The following NRXN2 variants were observed in gnomAD, a reference collection of about 807,000 sequenced individuals.
The protein encoded by NRXN2 is neurexin-2-beta.
Under a neutral mutation model 128.8 loss-of-function variants are expected in NRXN2, and 29 were observed. That is an observed-to-expected ratio of 0.23 (90% CI 0.17 to 0.31). NRXN2 has a LOEUF of 0.31. Among genes scored for constraint, NRXN2 ranks in the 10% least tolerant of loss-of-function variants. NRXN2 has a pLI of 1.00. For missense variants in NRXN2, 1,881 were observed against 2,452.6 expected (o/e 0.77, Z 4.92); for synonymous variants, 1,098 against 1,075.2 (o/e 1.02, Z -0.41).
At chr11:64,646,096 C>A (rs1278000261) in intron 17 of NRXN2, among the ~76,000 whole-genome samples, 1 of 152,174 alleles carries the variant, frequency 6.6e-6, no homozygotes, top group Non-Finnish European at 1.5e-5. Context: ...CCCTGCCCTC[C>A]AGGGGCGGAG....
intron 21 of NRXN2, among the ~76,000 whole-genome samples, chr11:64,621,121 A>C (rs941970761): frequency 5.9e-5 from 9 of 152,076 alleles, no homozygotes; most frequent in Non-Finnish European, 1.3e-4. Context: ...CAGGGTTGAA[A>C]GGGTCATAAC....
chr11:64,685,501 C>T (rs2052907841), intron 6 of NRXN2, 145 bp downstream of exon 6: 1 of 1,099,164 alleles, frequency 9.1e-7, no homozygotes, highest in East Asian at 2.5e-5. Context: ...GGGACCCTCA[C>T]AGCCCCAACT....
rs759707345 is a variant in NRXN2, at chr11:64,635,494, G to A, written c.3404-42C>T. ...AGGGAGACAAGAAGAAATGACATCA[G>A]GAGGACGAGGTCAGCAGGTCCTCAG... On this transcript the variant is annotated intron_variant, in intron 17 of 22. Coordinates refer to ENST00000265459, the MANE Select transcript of NRXN2 (RefSeq NM_015080.4). The surrounding 1 kb of genome is among the most constrained non-coding windows in gnomAD (Gnocchi z 4.8). 1 of 1,606,188 alleles carries A rather than the reference G, an allele frequency of 6.2e-7. No individual in the cohort carries two copies. Among genetic ancestry groups the A allele is most frequent in the Non-Finnish European group, 8.5e-7 (1 of 1,175,272 alleles).
chr11:64,630,406 C>A lies in NRXN2; in HGVS notation c.3753G>T (p.Pro1251=). 2 of 1,611,200 alleles carry A rather than the reference C, an allele frequency of 1.2e-6. No individual in the cohort carries two copies. The highest frequency in any genetic ancestry group is 1.7e-6 in the Non-Finnish European group (2 of 1,179,228). Reference sequence around the variant, plus strand: ...CCGCGGGCCCGCGCCGCCTACCTGCCGGGTACCGCTCGTTGACCGGCCAGC... The same window carrying A: ...CCGCGGGCCCGCGCCGCCTACCTGCAGGGTACCGCTCGTTGACCGGCCAGC... ...VDSWPVNERY[P]AGNFDNERLA... Residue 1251 remains proline (P), a synonymous_variant, in exon 19 of 23, where the codon CCG becomes CCT. Coordinates refer to ENST00000265459, the MANE Select transcript of NRXN2 (RefSeq NM_015080.4). The surrounding 1 kb of genome is among the most constrained non-coding windows in gnomAD (Gnocchi z 4.6).
chr11:64,687,026 AG>A (rs1191388259), intron 5 of NRXN2, among the ~76,000 whole-genome samples: 2 of 152,338 alleles, frequency 1.3e-5, no homozygotes, highest in Non-Finnish European at 2.9e-5. Flanking sequence ...GACAAACCAG[AG>A]GACCTGGGCT....
At chr11:64,712,609 C>G in intron 2 of NRXN2, 2 of 454,390 alleles carry the variant, frequency 4.4e-6, no homozygotes, top group South Asian at 3.5e-5. Flanking sequence ...CCACGCAGAC[C>G]CCCACCCACA....
chr11:64,636,937 G>T (rs2044813836), intron 17 of NRXN2, among the ~76,000 whole-genome samples: 1 of 152,122 alleles, frequency 6.6e-6, no homozygotes, highest in Non-Finnish European at 1.5e-5. Flanking sequence ...GACCCCAAAG[G>T]GGAGGGGCTG....
At chr11:64,650,674 C>A (rs372507665) in intron 14 of NRXN2, 36 bp from the exon 15 acceptor site, 9 of 1,599,292 alleles carry the variant, frequency 5.6e-6, no homozygotes, top group Admixed American at 5.0e-5. Flanking sequence ...TGGGTCAGGG[C>A]GGGGGTGATG....
chr11:64,612,312 C>T (rs1279806179), intron 22 of NRXN2, among the ~76,000 whole-genome samples: 1 of 152,154 alleles, frequency 6.6e-6, no homozygotes, highest in African/African-American at 2.4e-5. Flanking sequence ...TCCAGCTCTA[C>T]ACTAAGGATG....
At chr11:64,711,311 C>T (rs994612501) in intron 2 of NRXN2, among the ~76,000 whole-genome samples, 1 of 152,208 alleles carries the variant, frequency 6.6e-6, no homozygotes, top group African/African-American at 2.4e-5. Flanking sequence ...CCCACAGCTT[C>T]TAGAGGGACC....
chr11:64,718,122 C>T (rs1416421845), intron 1 of NRXN2, among the ~76,000 whole-genome samples: 1 of 152,194 alleles, frequency 6.6e-6, no homozygotes, highest in South Asian at 2.1e-4. Context: ...AGACATTTCC[C>T]CTTGCACTTG....
chr11:64,643,524 C>T (rs1474200777), intron 17 of NRXN2: 1 of 145,502 alleles, frequency 6.9e-6, no homozygotes, highest in East Asian at 2.1e-4. Context: ...AGTGTTGCTG[C>T]AGAGGCTGAG....
At chr11:64,708,955 G>T (rs1052524748) in intron 2 of NRXN2, among the ~76,000 whole-genome samples, 3 of 152,076 alleles carry the variant, frequency 2.0e-5, no homozygotes, top group African/African-American at 7.2e-5. Flanking sequence ...ACTTTGAGAG[G>T]CCAATGCGGG....
chr11:64,713,457 C>A lies in NRXN2; in HGVS notation c.243G>T (p.Leu81=), dbSNP rs1336533268. The part of the protein sequence containing the change: ...DGGDCDFLEL[L]LVDGRLRLRF... ...GCAGCCGCAGGCGGCCGTCCACCAG[C>A]AGCAGCTCCAGGAAGTCGCAGTCGC... The change falls in exon 2 of 23, where the codon CTG becomes CTT. Residue 81 remains leucine, a synonymous_variant. Coordinates refer to ENST00000265459, the MANE Select transcript of NRXN2 (RefSeq NM_015080.4). 6.5e-7 allele frequency: 1 copy of A among 1,528,288 alleles called. No homozygotes were observed. The highest frequency in any genetic ancestry group is 2.0e-5 in the Admixed American group (1 of 50,744). 94.7% of individuals were successfully genotyped at this position (1,528,288 alleles called of 1,614,324 possible). A position where few individuals can be genotyped will look rare whatever the true frequency, so the allele number is the denominator to read the frequency against.
intron 22 of NRXN2, among the ~76,000 whole-genome samples, chr11:64,613,150 G>GCA (rs1209172668): frequency 1.3e-5 from 2 of 152,070 alleles, no homozygotes; most frequent in East Asian, 1.9e-4. Context: ...ATATGCACAT[G>GCA]CACACACACA....
chr11:64,667,361 G>A lies in NRXN2; in HGVS notation c.1687C>T (p.Leu563Phe). The A allele has an allele frequency of 1.2e-6, 2 of 1,614,238 alleles. No homozygotes were observed. The highest frequency in any genetic ancestry group is 8.5e-7 in the Non-Finnish European group (1 of 1,180,048). ...GATCCCATGTCCAGCAGAAGATAGA[G>A]GTGGCCGTCCAATAGCTCCATGGCA... ...YFAMELLDGHLYLLLDMGSGG... is the reference protein window; with the variant it reads ...YFAMELLDGHFYLLLDMGSGG... The change falls in exon 9 of 23, where the codon CTC (leucine) becomes TTC (phenylalanine). Residue 563 changes from leucine to phenylalanine, a missense_variant. Transcript: ENST00000265459. This position sits in a 1 kb window ranked among gnomAD's most constrained non-coding sequence, Gnocchi z 5.6.
intron 19 of NRXN2, among the ~76,000 whole-genome samples, chr11:64,627,420 C>T (rs1349444506): frequency 6.6e-6 from 1 of 151,824 alleles, no homozygotes; most frequent in Non-Finnish European, 1.5e-5. Context: ...CTCCTCTGCC[C>T]CGAATGCACC....
At chr11:64,619,196 A>T (rs143544006) in intron 22 of NRXN2, among the ~76,000 whole-genome samples, 1 of 151,822 alleles carries the variant, frequency 6.6e-6, no homozygotes, top group Admixed American at 6.6e-5. Flanking sequence ...CCCAGGTGCC[A>T]CCCATTGCAA....
chr11:64,717,780 C>T (rs1397320552), intron 1 of NRXN2, among the ~76,000 whole-genome samples: 1 of 152,208 alleles, frequency 6.6e-6, no homozygotes, highest in Non-Finnish European at 1.5e-5. Flanking sequence ...GGCTTACAGA[C>T]CAGGAAGCTG....
Sources: gnomAD v4.1 joint callset for allele counts (sites outside exome capture counted in the v4.1 genomes callset) on GRCh38, gnomAD v4.1.1 for gene constraint, Gnocchi (gnomAD v3.1) non-coding constraint, MANE v1.5 for transcripts, NCBI Gene and HGNC (gene_info 2026-07-23, HGNC 2026-07-21) for gene names.